APPBP2: variants seen among roughly 807,000 people sequenced by gnomAD.
APPBP2 encodes amyloid protein-binding protein 2.
A neutral mutation model predicts 76.0 loss-of-function variants in APPBP2; 15 were observed. The ratio of observed to expected loss-of-function variants is 0.20; its 90% CI spans 0.13 to 0.30. APPBP2 has a LOEUF of 0.30. APPBP2 is among the 10% of genes least tolerant of loss of function. The pLI is 1.00. For synonymous variants in APPBP2, 222 were observed against 242.2 expected, an observed-to-expected ratio of 0.92 and a Z score of 0.77; for missense variants, 401 against 687.2, an observed-to-expected ratio of 0.58 and a Z score of 4.66.
intron 1 of APPBP2, among the ~76,000 whole-genome samples, chr17:60,514,434 C>T (rs1048197131): frequency 4.6e-5 from 7 of 152,120 alleles, no homozygotes; most frequent in African/African-American, 9.7e-5. Context: ...AGCCAGACCC[C>T]GTTTCTATCA....
At chr17:60,511,308 C>A (rs994174786) in intron 1 of APPBP2, among the ~76,000 whole-genome samples, 2 of 152,020 alleles carry the variant, frequency 1.3e-5, no homozygotes, top group Non-Finnish European at 2.9e-5. Flanking sequence ...CACTTTCTGC[C>A]GGGCGCGGTG....
rs369294456 is a variant in APPBP2 at position 60,455,783 on chromosome 17, A to ATTTT, written c.1147+509_1147+512dup. Among the ~76,000 whole-genome samples, 51 of 137,354 alleles carry ATTTT rather than the reference A, an allele frequency of 3.7e-4. 1 individual carries two copies. Among genetic ancestry groups the ATTTT allele is most frequent in the African/African-American group, 1.8e-3 (49 of 27,940 alleles). 90.1% of individuals were successfully genotyped at this position (137,354 alleles called of 152,430 possible). A position where few individuals can be genotyped will look rare whatever the true frequency, so the allele number is the denominator to read the frequency against. On this transcript the variant is annotated intron_variant, in intron 10 of 12. Coordinates refer to ENST00000083182, the MANE Select transcript of APPBP2 (RefSeq NM_006380.5). ...AAAAGAAAGAAATTCTGGCTTACTG[A>ATTTT]TTTTTTTTTCTTGAGACAGAGTCTC...
At chr17:60,472,206 C>T (rs1412200710) in intron 4 of APPBP2, among the ~76,000 whole-genome samples, 3 of 152,178 alleles carry the variant, frequency 2.0e-5, no homozygotes, top group African/African-American at 7.2e-5. Context: ...AGTGTTCCTT[C>T]CTCTGCAATT....
chr17:60,502,624 G>A lies in APPBP2; in HGVS notation c.139-2137C>T, dbSNP rs570001430. On this transcript the variant is annotated intron_variant, in intron 1 of 12. Transcript: ENST00000083182. ...ATCCCAGCACTTTGGGAGGCCAAGG[G>A]GGGGTGGATCAGCTGAGGTCAACAG... 8.2e-5 allele frequency among the ~76,000 whole-genome samples: 12 copies of A among 146,742 alleles called. 2 individuals carry two copies. The South Asian group carries it at 1.0e-3, about 13-fold the overall frequency.
intron 2 of APPBP2, 117 bp from the exon 3 acceptor site, chr17:60,494,734 A>G: frequency 9.9e-7 from 1 of 1,005,770 alleles, no homozygotes; most frequent in Non-Finnish European, 1.4e-6. Flanking sequence ...GGAATAAGAT[A>G]AAAAGCATTT....
chr17:60,486,962 T>C lies in APPBP2; in HGVS notation c.379+7504A>G, dbSNP rs540326799. Among the ~76,000 whole-genome samples the C allele has an allele frequency of 5.6e-3, 849 of 152,304 alleles. 7 individuals are homozygous for C. The highest frequency in any genetic ancestry group is 0.02 in the African/African-American group (815 of 41,570). On this transcript the variant is annotated intron_variant, in intron 3 of 12. Coordinates refer to ENST00000083182, the MANE Select transcript of APPBP2 (RefSeq NM_006380.5). ...TCTCCTTCACTTATGAAGCTTAGTT[T>C]GGCTGGATATGAAATTCTGGGTTGA...
Position 60,444,038 on chromosome 17 carries a change from G to A in APPBP2, c.*3543C>T, listed in dbSNP as rs1474567618. On this transcript the variant is annotated 3_prime_UTR_variant, in exon 13 of 13. Coordinates refer to ENST00000083182, the MANE Select transcript of APPBP2 (RefSeq NM_006380.5). ...AGCTACTCGGAAGGCTGAGGCAGGAGAATCGCTGGAACCCGGGAGGCGGAG... is the reference window on the plus strand; with the variant it reads ...AGCTACTCGGAAGGCTGAGGCAGGAAAATCGCTGGAACCCGGGAGGCGGAG... 6.6e-6 allele frequency: 1 copy of A among 151,894 alleles called. No homozygotes were observed. Among genetic ancestry groups the A allele is most frequent in the Admixed American group, 6.6e-5 (1 of 15,236 alleles). The allele number at this position is 151,894 out of a possible 1,614,324, so 9.4% of individuals were successfully genotyped here. A position where few individuals can be genotyped will look rare whatever the true frequency, so the allele number is the denominator to read the frequency against.
At chr17:60,455,029 T>A (rs1172330117) in intron 10 of APPBP2, among the ~76,000 whole-genome samples, 1 of 152,210 alleles carries the variant, frequency 6.6e-6, no homozygotes, top group Non-Finnish European at 1.5e-5. Flanking sequence ...AGAATATACA[T>A]ATTATTTTAC....
At chr17:60,525,648 G>A (rs2143518505) in intron 1 of APPBP2, 146 bp downstream of exon 1, 4 of 1,254,582 alleles carry the variant, frequency 3.2e-6, no homozygotes, top group Non-Finnish European at 1.1e-6. Flanking sequence ...CTTCTCCACT[G>A]GCAATGCAGA....
At chr17:60,523,167 C>T (rs148075187) in intron 1 of APPBP2, among the ~76,000 whole-genome samples, 30 of 152,176 alleles carry the variant, frequency 2.0e-4, no homozygotes, top group African/African-American at 7.2e-4. Flanking sequence ...TGAGTTTCTC[C>T]TTGGCTTTAA....
At chr17:60,458,408 TG>T (rs1264326458) in intron 9 of APPBP2, among the ~76,000 whole-genome samples, 5 of 149,592 alleles carry the variant, frequency 3.3e-5, no homozygotes, top group Non-Finnish European at 5.9e-5. Context: ...CACTCCAGCC[TG>T]GGCGACAGAG....
chr17:60,497,652 C>A (rs1231030383), intron 2 of APPBP2, among the ~76,000 whole-genome samples: 1 of 151,966 alleles, frequency 6.6e-6, no homozygotes, highest in Admixed American at 6.6e-5. Context: ...CCCCCAAAAA[C>A]TTAAAATAAA....
intron 3 of APPBP2, among the ~76,000 whole-genome samples, chr17:60,483,564 T>C (rs1051657161): frequency 1.3e-5 from 2 of 152,088 alleles, no homozygotes; most frequent in African/African-American, 4.8e-5. Context: ...TGGCTATTTT[T>C]TTGTATTTTT....
At chr17:60,498,124 G>T (rs951618081) in intron 2 of APPBP2, among the ~76,000 whole-genome samples, 3 of 150,184 alleles carry the variant, frequency 2.0e-5, no homozygotes, top group African/African-American at 7.4e-5. Flanking sequence ...TGAGACCCTG[G>T]CTCCAAAAAA....
chr17:60,449,291 G>A (rs62082110), intron 12 of APPBP2, among the ~76,000 whole-genome samples: 1 of 148,310 alleles, frequency 6.7e-6, no homozygotes, highest in Non-Finnish European at 1.5e-5. Context: ...GTATAGCAGA[G>A]GGAAAAAAAG....
rs1466093193 is a variant in APPBP2 at position 60,518,354 on chromosome 17, CGTGCGT to C, written c.138+7434_138+7439del. Reference sequence around the variant, plus strand: ...GAGCTACCATGCCCAGCCGTGTGTGCGTGCGTGTGTGTGTGTGTGTGTGTGTGTGTG... The same window carrying C: ...GAGCTACCATGCCCAGCCGTGTGTGCGTGTGTGTGTGTGTGTGTGTGTGTG... On this transcript the variant is annotated intron_variant, in intron 1 of 12. Transcript: ENST00000083182. Among the ~76,000 whole-genome samples, 130 of 71,706 alleles carry C rather than the reference CGTGCGT, an allele frequency of 1.8e-3. 2 individuals carry two copies. The highest frequency in any genetic ancestry group is 9.9e-3 in the East Asian group (32 of 3,228). 47.0% of individuals were successfully genotyped at this position (71,706 alleles called of 152,430 possible).
chr17:60,497,489 G>A (rs1385971281), intron 2 of APPBP2, among the ~76,000 whole-genome samples: 3 of 152,086 alleles, frequency 2.0e-5, no homozygotes, highest in Non-Finnish European at 4.4e-5. Flanking sequence ...ATAACTGAAA[G>A]AATATAACTG....
intron 1 of APPBP2, among the ~76,000 whole-genome samples, chr17:60,504,709 C>T (rs2090852678): frequency 1.3e-5 from 2 of 152,136 alleles, no homozygotes; most frequent in South Asian, 4.1e-4. Context: ...GAAGCTGAGG[C>T]ATAAGAATTG....
chr17:60,515,708 C>T (rs1471584086), intron 1 of APPBP2, among the ~76,000 whole-genome samples: 1 of 152,198 alleles, frequency 6.6e-6, no homozygotes, highest in Non-Finnish European at 1.5e-5. Flanking sequence ...TGCCCTGAGG[C>T]CCTGCTAGAT....
Sources: gnomAD v4.1 joint callset for allele counts (sites outside exome capture counted in the v4.1 genomes callset) on GRCh38, gnomAD v4.1.1 for gene constraint, MANE v1.5 for transcripts, NCBI Gene and HGNC (gene_info 2026-07-23, HGNC 2026-07-21) for gene names.